Variants in ZNF469 observed in about 807,000 individuals in gnomAD.
The protein encoded by ZNF469 is zinc finger protein 469.
ZNF469 carries 1 observed loss-of-function variant against 1.0 expected under a neutral mutation model. The observed-to-expected ratio is 1.00, with a 90% CI of 0.35 to 4.73. The LOEUF is 4.73. ZNF469 is among the 30% of genes most tolerant of loss of function. The probability of loss-of-function intolerance (pLI) is 0.16; values close to 1 mark genes in which losing one functional copy is unlikely to be tolerated. For synonymous variants in ZNF469, 2,703 were observed against 2,363.4 expected (o/e 1.14, Z -4.17); for missense variants, 6,100 against 5,356.3 (o/e 1.14, Z -4.33).
chr16:88,403,173 C>T (rs1904932437), intron 1 of ZNF469, among the ~76,000 whole-genome samples: 1 of 152,190 alleles, frequency 6.6e-6, no homozygotes, highest in Admixed American at 6.5e-5. Context: ...AGTGGCCGTG[C>T]TGGATGCTTC....
chr16:88,366,602 C>A, the ZNF469 span, among the ~76,000 whole-genome samples: 1 of 46,718 alleles, frequency 2.1e-5, no homozygotes. Context: ...ATCATTGTCA[C>A]CACAACCACC....
chr16:88,277,657 ACACT>A, the ZNF469 span, among the ~76,000 whole-genome samples: 2 of 129,356 alleles, frequency 1.5e-5, no homozygotes, highest in East Asian at 2.3e-4. Flanking sequence ...TGCCACGCTG[ACACT>A]CAGTCAGTAC....
upstream of ZNF469, among the ~76,000 whole-genome samples, chr16:88,381,205 GAC>G (rs140845577): frequency 6.5e-3 from 651 of 99,390 alleles, 7 homozygotes; most frequent in African/African-American, 0.021. Flanking sequence ...TGCATTCACA[GAC>G]ACACACACAG....
chr16:88,433,923 A>G lies in ZNF469; in HGVS notation c.6453A>G (p.Pro2151=). The G allele has an allele frequency of 6.5e-7, 1 of 1,549,450 alleles. No homozygotes were observed. The highest frequency in any genetic ancestry group is 8.7e-7 in the Non-Finnish European group (1 of 1,146,374). Residue 2151 remains proline (P), a synonymous_variant, in exon 3 of 3, where the codon CCA becomes CCG. Coordinates refer to ENST00000565624, the MANE Select transcript of ZNF469 (RefSeq NM_001367624.2). ...RAQGGLGGQL[P]ASPSCRDPPG... is the part of the protein sequence containing the mutation. The stretch of plus-strand genomic sequence containing the variant: ...AAGGTGGGCTGGGGGGGCAGCTGCC[A>G]GCATCTCCGTCCTGCAGGGACCCTC...
the ZNF469 span, among the ~76,000 whole-genome samples, chr16:88,277,660 C>T: frequency 3.1e-5 from 4 of 130,188 alleles, no homozygotes; most frequent in Non-Finnish European, 6.7e-5. Context: ...CACGCTGACA[C>T]TCAGTCAGTA....
the ZNF469 span, among the ~76,000 whole-genome samples, chr16:88,104,666 G>C: frequency 2.9e-4 from 44 of 152,350 alleles, no homozygotes; most frequent in Admixed American, 2.5e-3. Context: ...AGATGTTCTT[G>C]TCTGAGCCTA....
the ZNF469 span, among the ~76,000 whole-genome samples, chr16:88,111,405 GATTTT>G: frequency 3.3e-5 from 5 of 152,126 alleles, no homozygotes; most frequent in African/African-American, 1.2e-4. Flanking sequence ...ACAAGCCAGT[GATTTT>G]ATTTTAGTTA....
At chr16:88,135,768 T>TTTTTGGGATGGAG in the ZNF469 span, among the ~76,000 whole-genome samples, 1 of 141,806 alleles carries the variant, frequency 7.1e-6, no homozygotes, top group African/African-American at 2.5e-5. Context: ...TTTTTTTTTT[T>TTTTTGGGATGGAG]TTTTTTTTTT....
the ZNF469 span, chr16:88,178,615 G>A: frequency 6.6e-6 from 1 of 152,148 alleles, no homozygotes; most frequent in East Asian, 1.9e-4. Flanking sequence ...CTTCCCAGAG[G>A]TTTGTTTTTA....
intron 1 of ZNF469, among the ~76,000 whole-genome samples, chr16:88,404,437 G>C (rs1344322754): frequency 1.3e-5 from 2 of 152,242 alleles, no homozygotes; most frequent in African/African-American, 2.4e-5. Flanking sequence ...GATTCAAACT[G>C]GAGTTGGTTC....
the ZNF469 span, among the ~76,000 whole-genome samples, chr16:88,337,657 T>A: frequency 6.6e-6 from 1 of 152,318 alleles, no homozygotes; most frequent in East Asian, 1.9e-4. Context: ...TCTGGTCCTC[T>A]GCATCCTCAG....
the ZNF469 span, among the ~76,000 whole-genome samples, chr16:88,190,382 C>T: frequency 5.9e-5 from 9 of 152,258 alleles, no homozygotes; most frequent in African/African-American, 2.2e-4. Flanking sequence ...CCACCATGCA[C>T]CCGGCACCAC....
At chr16:88,295,080 G>A in the ZNF469 span, among the ~76,000 whole-genome samples, 1 of 120,408 alleles carries the variant, frequency 8.3e-6, no homozygotes, top group East Asian at 2.4e-4. Flanking sequence ...TGGGGAGGAC[G>A]TCATCTCAGG....
the ZNF469 span, among the ~76,000 whole-genome samples, chr16:88,159,724 C>T: frequency 1.8e-4 from 28 of 152,164 alleles, no homozygotes; most frequent in Non-Finnish European, 2.9e-4. Flanking sequence ...GCTGCATTCT[C>T]GGTGCTGTTT....
At chr16:88,139,484 T>C in the ZNF469 span, among the ~76,000 whole-genome samples, 1 of 138,956 alleles carries the variant, frequency 7.2e-6, no homozygotes, top group African/African-American at 2.7e-5. Flanking sequence ...ATGAAGAAAA[T>C]TGCTGTGAAA....
the ZNF469 span, among the ~76,000 whole-genome samples, chr16:88,148,944 C>T: frequency 3.9e-5 from 6 of 152,164 alleles, no homozygotes; most frequent in Non-Finnish European, 7.3e-5. Flanking sequence ...GTGCTCTGGC[C>T]GTGGCTGGGT....
At chr16:88,197,012 T>C in the ZNF469 span, among the ~76,000 whole-genome samples, 3 of 152,196 alleles carry the variant, frequency 2.0e-5, no homozygotes, top group Non-Finnish European at 4.4e-5. Context: ...AGAGCATGAC[T>C]GTCTTGTTCA....
At chr16:88,245,354 C>T in the ZNF469 span, among the ~76,000 whole-genome samples, 1 of 152,240 alleles carries the variant, frequency 6.6e-6, no homozygotes, top group African/African-American at 2.4e-5. Context: ...TCATGGTCTG[C>T]TGCTTGCTGG....
chr16:88,360,265 C>T, the ZNF469 span, among the ~76,000 whole-genome samples: 1 of 152,190 alleles, frequency 6.6e-6, no homozygotes, highest in Admixed American at 6.5e-5. Context: ...GGTGATCCAC[C>T]CACCTCGGCC....
Sources: gnomAD v4.1 joint callset for allele counts (sites outside exome capture counted in the v4.1 genomes callset) on GRCh38, gnomAD v4.1.1 for gene constraint, MANE v1.5 for transcripts, NCBI Gene and HGNC (gene_info 2026-07-23, HGNC 2026-07-21) for gene names.